CTNNA2: variants seen among roughly 807,000 people sequenced by gnomAD.
CTNNA2 encodes the protein catenin alpha-2.
In CTNNA2, 42 loss-of-function variants were observed where a neutral mutation model predicts 101.0. The observed-to-expected ratio is 0.42, with a 90% CI of 0.32 to 0.54. The LOEUF is 0.54. Among genes scored for constraint, CTNNA2 ranks in the 20% least tolerant of loss-of-function variants. The pLI is 0.14. For missense variants in CTNNA2, 871 were observed against 1,223.1 expected (o/e 0.71, Z 4.29); for synonymous variants, 450 against 456.4 (o/e 0.99, Z 0.18).
chr2:80,042,174 A>G (rs1696108290), intron 7 of CTNNA2, among the ~76,000 whole-genome samples: 1 of 152,212 alleles, frequency 6.6e-6, no homozygotes, highest in Non-Finnish European at 1.5e-5. Context: ...CATGTTGACC[A>G]GGCTGGTCTT....
intron 7 of CTNNA2, among the ~76,000 whole-genome samples, chr2:80,050,175 T>C (rs1373581588): frequency 4.6e-5 from 7 of 152,148 alleles, no homozygotes; most frequent in Non-Finnish European, 8.8e-5. Flanking sequence ...ACAGGGTGTA[T>C]GGTGATGTGG....
intron 7 of CTNNA2, among the ~76,000 whole-genome samples, chr2:80,365,357 A>G (rs995869498): frequency 1.4e-4 from 21 of 152,170 alleles, no homozygotes; most frequent in African/African-American, 4.8e-4. Context: ...AGCCCTGCAT[A>G]AACACAACCG....
At chr2:80,589,905 T>TGTGTGTGTGTGTGTGC (rs1491383706) in intron 15 of CTNNA2, among the ~76,000 whole-genome samples, 3 of 114,498 alleles carry the variant, frequency 2.6e-5, no homozygotes, top group African/African-American at 9.3e-5. Context: ...TGTGTGTGTG[T>TGTGTGTGTGTGTGTGC]GCGCGCGCGC....
chr2:79,773,542 A>G (rs755802511), intron 3 of CTNNA2, among the ~76,000 whole-genome samples: 17 of 152,208 alleles, frequency 1.1e-4, no homozygotes, highest in Non-Finnish European at 2.1e-4. Context: ...GGTGGCAGTC[A>G]GAATATGCAT....
Position 79,909,514 on chromosome 2 carries a change from A to G in CTNNA2, c.853-80A>G, listed in dbSNP as rs191684654. The G allele has an allele frequency of 4.2e-6, 5 of 1,181,714 alleles. No individual in the cohort carries two copies. The Admixed American group carries it at 7.0e-5, about 17-fold the overall frequency. 73.2% of individuals were successfully genotyped at this position (1,181,714 alleles called of 1,614,324 possible). On this transcript the variant is annotated intron_variant, in intron 6 of 18. Transcript: ENST00000402739. Reference sequence around the variant, plus strand: ...GGGGACTCCTGTTCTTGCCTCAGATATTTCTGGTTTCAAAACAGGGTGCCA... The same window carrying G: ...GGGGACTCCTGTTCTTGCCTCAGATGTTTCTGGTTTCAAAACAGGGTGCCA...
At chr2:80,592,735 A>G (rs1004172655) in intron 15 of CTNNA2, among the ~76,000 whole-genome samples, 1 of 152,082 alleles carries the variant, frequency 6.6e-6, no homozygotes, top group African/African-American at 2.4e-5. Context: ...GGAGAGTCAC[A>G]TTTGGTATTA....
Position 80,333,648 on chromosome 2 carries a change from G to T in CTNNA2, c.1057-59563G>T, listed in dbSNP as rs368936202. ...TCTTCTTTTTTCTGGGGGAGGTGGT[G>T]GGGGGGATGGAGTCTTGCTGTGTCC... is the stretch of plus-strand genomic sequence containing the variant. On this transcript the variant is annotated intron_variant, in intron 7 of 18. Transcript: ENST00000402739. Among the ~76,000 whole-genome samples the T allele has an allele frequency of 9.9e-5, 15 of 151,940 alleles. No individual in the cohort carries two copies. In the East Asian group the frequency reaches 1.5e-3, roughly 16 times the overall value.
At chr2:80,465,509 A>G (rs1225623768) in intron 9 of CTNNA2, among the ~76,000 whole-genome samples, 1 of 152,144 alleles carries the variant, frequency 6.6e-6, no homozygotes, top group African/African-American at 2.4e-5. Flanking sequence ...TTCTTTGAGT[A>G]TCTTGGAATG....
chr2:79,766,463 AT>A (rs1673165201), intron 3 of CTNNA2, among the ~76,000 whole-genome samples: 1 of 151,956 alleles, frequency 6.6e-6, no homozygotes, highest in Non-Finnish European at 1.5e-5. Context: ...TCCTTTCTTT[AT>A]CCTTGGTCTT....
Position 79,620,671 on chromosome 2 carries a change from G to T in CTNNA2, c.-5-30881G>T, listed in dbSNP as rs141274859. 5.5e-4 allele frequency among the ~76,000 whole-genome samples: 84 copies of T among 152,302 alleles called. 1 individual carries two copies. The highest frequency in any genetic ancestry group is 1.9e-3 in the African/African-American group (81 of 41,574). ...TGTAGCAAAAGGCTGGCTAAGGGAG[G>T]TTCTGTTGACCCTCAAGAAAACTAG... On this transcript the variant is annotated intron_variant, in intron 1 of 18. Coordinates refer to ENST00000402739, the MANE Select transcript of CTNNA2 (RefSeq NM_001282597.3).
chr2:79,551,479 T>C (rs1304363956), intron 1 of CTNNA2, among the ~76,000 whole-genome samples: 1 of 152,160 alleles, frequency 6.6e-6, no homozygotes, highest in Non-Finnish European at 1.5e-5. Context: ...AAATATACAT[T>C]TGTCTCAGGT....
chr2:80,466,930 G>T (rs1684905951), intron 9 of CTNNA2, among the ~76,000 whole-genome samples: 1 of 152,130 alleles, frequency 6.6e-6, no homozygotes, highest in Non-Finnish European at 1.5e-5. Context: ...GAATTTCATG[G>T]GCTGTACCAG....
intron 2 of CTNNA2, among the ~76,000 whole-genome samples, chr2:79,653,128 G>T (rs1323299506): frequency 6.6e-6 from 1 of 152,198 alleles, no homozygotes; most frequent in African/African-American, 2.4e-5. Flanking sequence ...CTCAAGAAAT[G>T]TAGAAATCTA....
intron 9 of CTNNA2, among the ~76,000 whole-genome samples, chr2:80,440,330 A>C (rs560636497): frequency 1.3e-5 from 2 of 152,334 alleles, no homozygotes; most frequent in East Asian, 3.9e-4. Flanking sequence ...AAAAATGACA[A>C]TGTGAACTAG....
intron 9 of CTNNA2, among the ~76,000 whole-genome samples, chr2:80,509,257 T>A (rs1688514230): frequency 6.6e-6 from 1 of 152,180 alleles, no homozygotes; most frequent in Non-Finnish European, 1.5e-5. Context: ...GGAAGGCAAG[T>A]GATTTGCTGC....
intron 1 of CTNNA2, among the ~76,000 whole-genome samples, chr2:79,191,198 G>A (rs1013180608): frequency 6.6e-6 from 1 of 152,164 alleles, no homozygotes; most frequent in Non-Finnish European, 1.5e-5. Flanking sequence ...CAGATTCACA[G>A]TTGGTTTAAG....
intron 14 of CTNNA2, chr2:80,586,518 A>G (rs901465336): frequency 8.5e-5 from 13 of 152,170 alleles, no homozygotes; most frequent in Non-Finnish European, 1.3e-4. Context: ...TAAACCAAAA[A>G]CAGCAATAGG....
rs1261716284 is a variant in CTNNA2, at chr2:80,175,425, C to T, written c.1057-217786C>T. The stretch of plus-strand genomic sequence containing the variant: ...ACTATTGTATTCTCAGTGTCTAGCC[C>T]AATGCCTTTTATTTAGGCAAAATAA... On this transcript the variant is annotated intron_variant, in intron 7 of 18. Coordinates refer to ENST00000402739, the MANE Select transcript of CTNNA2 (RefSeq NM_001282597.3). Among the ~76,000 whole-genome samples the T allele has an allele frequency of 3.3e-5, 5 of 152,222 alleles. No individual in the cohort carries two copies. The East Asian group carries it at 9.7e-4, about 29-fold the overall frequency.
rs116071158 is a variant in CTNNA2 at position 79,675,322 on chromosome 2, C to T, written c.102+23664C>T. Reference sequence around the variant, plus strand: ...AAACCCATATTACCTAATTTTATGGCGGTGGACAATGCCTATTTCTTCTTA... The same window carrying T: ...AAACCCATATTACCTAATTTTATGGTGGTGGACAATGCCTATTTCTTCTTA... On this transcript the variant is annotated intron_variant, in intron 2 of 18. Coordinates refer to ENST00000402739, the MANE Select transcript of CTNNA2 (RefSeq NM_001282597.3). Among the ~76,000 whole-genome samples the T allele has an allele frequency of 5.7e-3, 863 of 152,150 alleles. 7 individuals carry two copies. The highest frequency in any genetic ancestry group is 0.017 in the African/African-American group (706 of 41,500).
Sources: allele counts gnomAD v4.1 joint callset (sites outside exome capture counted in the v4.1 genomes callset), GRCh38; gene constraint gnomAD v4.1.1; transcripts MANE v1.5; gene names NCBI Gene and HGNC (gene_info 2026-07-23, HGNC 2026-07-21).